The following TNKS2 variants were observed in gnomAD, a reference collection of about 807,000 sequenced individuals.
The protein encoded by TNKS2 is tankyrase 2.
TNKS2 carries 72 observed loss-of-function variants against 137.6 expected under a neutral mutation model. The observed-to-expected ratio is 0.52, with a 90% CI of 0.43 to 0.64. TNKS2 has a LOEUF of 0.64. TNKS2 is among the 30% of genes least tolerant of loss of function. The pLI, the probability that TNKS2 is intolerant of heterozygous loss-of-function variation, is 0.00. For missense variants in TNKS2, 1,049 were observed against 1,410.2 expected, an observed-to-expected ratio of 0.74 and a Z score of 4.10; for synonymous variants, 516 against 512.1, an observed-to-expected ratio of 1.01 and a Z score of -0.10.
chr10:91,798,700 C>T lies in TNKS2; in HGVS notation c.10C>T (p.Arg4Cys), dbSNP rs1844050746. 1.6e-6 allele frequency: 2 copies of T among 1,231,172 alleles called. No individual in the cohort carries two copies. Among genetic ancestry groups the T allele is most frequent in the Non-Finnish European group, 1.0e-6 (1 of 983,466 alleles). 76.3% of individuals were successfully genotyped at this position (1,231,172 alleles called of 1,614,324 possible). Residue 4 changes from arginine (R) to cysteine (C), a missense_variant, in exon 1 of 27, where the codon CGC becomes TGC. Arg to Cys is a radical substitution (Grantham distance 180, BLOSUM62 -3). Coordinates refer to ENST00000371627, the MANE Select transcript of TNKS2 (RefSeq NM_025235.4). MSGRRCAGGGAACA... is the reference protein window; with the variant it reads MSGCRCAGGGAACA... ...GGCGGCGGCCAGGATCATGTCGGGT[C>T]GCCGCTGCGCCGGCGGGGGAGCGGC...
chr10:91,831,244 A>G (rs1177516628), intron 11 of TNKS2, 63 bp downstream of exon 11: 2 of 1,382,924 alleles, frequency 1.4e-6, no homozygotes, highest in Admixed American at 3.4e-5. Flanking sequence ...AGCAGGTGAA[A>G]TGCCTGACTT....
chr10:91,798,559 G>A lies in TNKS2; in HGVS notation c.-132G>A. On this transcript the variant is annotated 5_prime_UTR_variant, in exon 1 of 27. It adds an upstream start codon to the 5' untranslated region. Transcript: ENST00000371627. ...CGGCCATGGGACTGCGCCGGATCCGGTGACAGCAGGGAGCCAAGCGGCCCG... is the reference window on the plus strand; with the variant it reads ...CGGCCATGGGACTGCGCCGGATCCGATGACAGCAGGGAGCCAAGCGGCCCG... 1 of 1,070,354 alleles carries A rather than the reference G, an allele frequency of 9.3e-7. No homozygotes were observed. Among genetic ancestry groups the A allele is most frequent in the Non-Finnish European group, 1.2e-6 (1 of 852,196 alleles). The allele number at this position is 1,070,354 out of a possible 1,614,324, so 66.3% of individuals were successfully genotyped here.
In TNKS2 at chr10:91,851,234, G is replaced by GT; in HGVS notation, c.2715dup (p.Glu906Ter). 1 of 1,613,694 alleles carries GT rather than the reference G, an allele frequency of 6.2e-7. No homozygotes were observed. The highest frequency in any genetic ancestry group is 8.5e-7 in the Non-Finnish European group (1 of 1,179,890). On this transcript the variant is annotated frameshift_variant, in exon 21 of 27. Coordinates refer to ENST00000371627, the MANE Select transcript of TNKS2 (RefSeq NM_025235.4). LOFTEE classifies it high-confidence loss of function. The stretch of plus-strand genomic sequence containing the variant: ...TTGTAAGATCACTTTGGATGTATTA[G>GT]TTGAGATGGGGCACAAGGAGCTGAA...
At chr10:91,805,152 A>G (rs551081706) in intron 1 of TNKS2, among the ~76,000 whole-genome samples, 6 of 152,010 alleles carry the variant, frequency 3.9e-5, no homozygotes, top group Non-Finnish European at 7.4e-5. Context: ...ACTGCCTCCA[A>G]ATAATTTCCT....
At chr10:91,805,329 G>C (rs920221883) in intron 1 of TNKS2, among the ~76,000 whole-genome samples, 4 of 152,158 alleles carry the variant, frequency 2.6e-5, no homozygotes, top group Non-Finnish European at 4.4e-5. Context: ...TTAATGACTA[G>C]GGAATCATGT....
intron 1 of TNKS2, among the ~76,000 whole-genome samples, chr10:91,801,544 G>C (rs1589636667): frequency 6.6e-6 from 1 of 151,782 alleles, no homozygotes. Flanking sequence ...CACGATCTCA[G>C]CTCACTGCAA....
At chr10:91,803,282 G>A (rs1205526857) in intron 1 of TNKS2, among the ~76,000 whole-genome samples, 1 of 152,076 alleles carries the variant, frequency 6.6e-6, no homozygotes, top group Non-Finnish European at 1.5e-5. Flanking sequence ...GGAGGCAAAG[G>A]CAGGAGTATC....
chr10:91,853,015 A>G (rs1163372645), intron 21 of TNKS2, among the ~76,000 whole-genome samples: 1 of 152,242 alleles, frequency 6.6e-6, no homozygotes, highest in African/African-American at 2.4e-5. Context: ...AATTAGCACT[A>G]AAAATGAGAA....
intron 8 of TNKS2, among the ~76,000 whole-genome samples, chr10:91,827,457 G>A (rs1163488558): frequency 1.3e-5 from 2 of 152,126 alleles, no homozygotes; most frequent in East Asian, 3.8e-4. Context: ...TTATTAGATG[G>A]TATGCCTTTG....
intron 24 of TNKS2, among the ~76,000 whole-genome samples, 183 bp downstream of exon 24, chr10:91,857,713 A>G (rs1291193162): frequency 1.3e-5 from 2 of 152,158 alleles, no homozygotes; most frequent in African/African-American, 4.8e-5. Flanking sequence ...TTTATAATGG[A>G]TTGTTTTTAA....
Position 91,820,023 on chromosome 10 carries a change from A to C in TNKS2, c.718A>C (p.Lys240Gln). ...LLQHGADVHA[K>Q]DKGDLVPLHN... ...GCAACATGGAGCTGATGTCCATGCT[A>C]AAGATAAAGGGTAAGCATTTGAACA... The change falls in exon 6 of 27, where the codon AAA becomes CAA. Residue 240 changes from lysine (K) to glutamine (Q), a missense_variant. Lys to Gln is a moderately conservative substitution (Grantham distance 53). This residue lies in a region of TNKS2 where 374 missense variants were observed against 460.8 expected (regional missense o/e 0.81). Coordinates refer to ENST00000371627, the MANE Select transcript of TNKS2 (RefSeq NM_025235.4). The C allele has an allele frequency of 6.3e-7, 1 of 1,585,204 alleles. No individual in the cohort carries two copies. The highest frequency in any genetic ancestry group is 1.2e-5 in the South Asian group (1 of 85,150).
intron 1 of TNKS2, among the ~76,000 whole-genome samples, chr10:91,810,170 G>A (rs1015574379): frequency 1.3e-5 from 2 of 152,062 alleles, no homozygotes; most frequent in African/African-American, 4.8e-5. Flanking sequence ...GAGGTCAGAA[G>A]TTCGAGACCA....
intron 2 of TNKS2, among the ~76,000 whole-genome samples, chr10:91,816,082 A>G (rs1844686433): frequency 1.3e-5 from 2 of 150,942 alleles, no homozygotes; most frequent in Non-Finnish European, 2.9e-5. Flanking sequence ...TCGAGTAGCT[A>G]GGACTACAGG....
intron 20 of TNKS2, among the ~76,000 whole-genome samples, chr10:91,850,358 A>G (rs1169023842): frequency 1.3e-4 from 17 of 135,518 alleles, no homozygotes; most frequent in Non-Finnish European, 2.0e-4. Flanking sequence ...ACAGAGCAAG[A>G]CTCGGTCTCA....
intron 1 of TNKS2, among the ~76,000 whole-genome samples, chr10:91,801,500 G>T (rs1052915007): frequency 9.3e-5 from 14 of 150,896 alleles, no homozygotes; most frequent in Non-Finnish European, 1.9e-4. Context: ...TTGAGATGGA[G>T]TCTAGTTCTG....
chr10:91,848,962 G>A (rs1034545478), intron 19 of TNKS2, among the ~76,000 whole-genome samples: 13 of 152,026 alleles, frequency 8.6e-5, no homozygotes, highest in African/African-American at 2.2e-4. Flanking sequence ...TCAGCCTCCC[G>A]AGTAGCTGAA....
At chr10:91,803,669 C>T (rs12257353) in intron 1 of TNKS2, among the ~76,000 whole-genome samples, 9,842 of 152,208 alleles carry the variant, frequency 0.065, 1,053 homozygotes, top group African/African-American at 0.23. Flanking sequence ...AATGACATTC[C>T]TCAGAAAAAA....
chr10:91,810,660 G>A (rs1164156254), intron 1 of TNKS2, among the ~76,000 whole-genome samples: 1 of 150,818 alleles, frequency 6.6e-6, no homozygotes, highest in African/African-American at 2.4e-5. Flanking sequence ...CTGCCACAAC[G>A]CCCAGCTAAT....
chr10:91,833,179 G>A (rs141580748), intron 11 of TNKS2, among the ~76,000 whole-genome samples: 232 of 152,282 alleles, frequency 1.5e-3, no homozygotes, highest in Middle Eastern at 6.8e-3. Flanking sequence ...CATGGCAGAA[G>A]TAGTGCACAG....
Sources: allele counts gnomAD v4.1 joint callset (sites outside exome capture counted in the v4.1 genomes callset), GRCh38; gene constraint gnomAD v4.1.1; regional missense constraint gnomAD v4.1.1; transcripts MANE v1.5; gene names NCBI Gene and HGNC (gene_info 2026-07-23, HGNC 2026-07-21).